The following FAM184B variants were observed in gnomAD, a reference collection of about 807,000 sequenced individuals.
FAM184B encodes the protein family with sequence similarity 184 member B.
FAM184B carries 111 observed loss-of-function variants against 135.9 expected under a neutral mutation model. The observed-to-expected ratio is 0.82, with a 90% confidence interval of 0.70 to 0.96. The LOEUF (loss-of-function observed/expected upper bound fraction) is 0.96. Ranked by LOEUF, FAM184B falls within the 40% of genes least tolerant of loss-of-function variation. The pLI is 0.00. For synonymous variants in FAM184B, 552 were observed against 524.8 expected (o/e 1.05, Z -0.71); for missense variants, 1,375 against 1,323.9 (o/e 1.04, Z -0.60).
rs180707776 is a variant in FAM184B at position 17,688,878 on chromosome 4, A to G, written c.1489-347T>C. On this transcript the variant is annotated intron_variant, in intron 6 of 17. Coordinates refer to ENST00000265018, the MANE Select transcript of FAM184B (RefSeq NM_015688.2). Reference sequence around the variant, plus strand: ...AGCTAATTTTTTGTATTTTTAGTAGAAACGGGGTTTCACCATGTTGCCCAG... The same window carrying G: ...AGCTAATTTTTTGTATTTTTAGTAGGAACGGGGTTTCACCATGTTGCCCAG... 9.9e-5 allele frequency among the ~76,000 whole-genome samples: 15 copies of G among 151,930 alleles called. No homozygotes were observed. The East Asian group carries it at 2.7e-3, about 28-fold the overall frequency.
chr4:17,774,992 CTTTTTTTTTT>C (rs71167338), intron 1 of FAM184B, among the ~76,000 whole-genome samples: 6 of 81,746 alleles, frequency 7.3e-5, no homozygotes, highest in Non-Finnish European at 1.3e-4. Flanking sequence ...TTTTCCTTTT[CTTTTTTTTTT>C]TTTTTTTTTT....
chr4:17,743,256 G>A (rs1485662305), intron 1 of FAM184B, among the ~76,000 whole-genome samples: 1 of 152,228 alleles, frequency 6.6e-6, no homozygotes, highest in Non-Finnish European at 1.5e-5. Context: ...AGAGTGGCTG[G>A]GATGGGGGTG....
chr4:17,649,269 A>G (rs1374689584), intron 11 of FAM184B, among the ~76,000 whole-genome samples: 2 of 152,344 alleles, frequency 1.3e-5, no homozygotes, highest in Non-Finnish European at 1.5e-5. Flanking sequence ...ATGTAAAAGC[A>G]TAGTGTATTT....
chr4:17,679,704 C>G (rs1421695079), intron 7 of FAM184B, among the ~76,000 whole-genome samples: 1 of 152,056 alleles, frequency 6.6e-6, no homozygotes, highest in East Asian at 1.9e-4. Flanking sequence ...AGTCATTATA[C>G]AAAAAAGATA....
Position 17,766,893 on chromosome 4 carries a change from G to T in FAM184B, c.141+14266C>A, listed in dbSNP as rs541101017. On this transcript the variant is annotated intron_variant, in intron 1 of 17. Coordinates refer to ENST00000265018, the MANE Select transcript of FAM184B (RefSeq NM_015688.2). ...CATTGGGGAGGCTCCGGCCGCACAG[G>T]AGCCTATGGTGCAGGGGAGGCTCAG... 3.3e-5 allele frequency among the ~76,000 whole-genome samples: 5 copies of T among 152,316 alleles called. No individual in the cohort carries two copies. In the South Asian group the frequency reaches 1.0e-3, roughly 32 times the overall value.
chr4:17,735,684 A>G (rs1445762807), intron 1 of FAM184B, among the ~76,000 whole-genome samples: 3 of 150,362 alleles, frequency 2.0e-5, no homozygotes, highest in Non-Finnish European at 4.4e-5. Flanking sequence ...ATTTTTCCTC[A>G]TTGCTCCCTA....
At position 17,659,851 on chromosome 4, in the gene FAM184B, C is replaced by A. The variant is rs1715871656; in HGVS notation, c.1824+107G>T. 3 of 1,411,198 alleles carry A rather than the reference C, an allele frequency of 2.1e-6. No individual in the cohort carries two copies. In the Admixed American group the frequency reaches 7.0e-5, roughly 33 times the overall value. The allele number at this position is 1,411,198 out of a possible 1,614,324, so 87.4% of individuals were successfully genotyped here. ...CCCACTTTGCCCTGGTCCTGTAATGCCTTCCCAGCTTGGATGTGAATCAGG... is the reference window on the plus strand; with the variant it reads ...CCCACTTTGCCCTGGTCCTGTAATGACTTCCCAGCTTGGATGTGAATCAGG... On this transcript the variant is annotated intron_variant, in intron 9 of 17. Coordinates refer to ENST00000265018, the MANE Select transcript of FAM184B (RefSeq NM_015688.2).
chr4:17,639,387 C>T lies in FAM184B; in HGVS notation c.2529G>A (p.Glu843=), dbSNP rs1280192266. Residue 843 remains glutamate, a synonymous_variant, in exon 14 of 18, where the codon GAG becomes GAA. Coordinates refer to ENST00000265018, the MANE Select transcript of FAM184B (RefSeq NM_015688.2). ...TGGCCCGCTGGGCTTGCTGAGTCTC[C>T]TCCAGGAACCTGTGGTGGATGAAAG... ...QKLRDQRRFL[E]ETQQAQRARE... 23 of 1,551,514 alleles carry T rather than the reference C, an allele frequency of 1.5e-5. No individual in the cohort carries two copies. Among genetic ancestry groups the T allele is most frequent in the South Asian group, 1.2e-5 (1 of 84,066 alleles).
rs1388848475 is a variant in FAM184B, at chr4:17,630,677, G to A, written c.*1855C>T. 1 of 152,186 alleles carries A rather than the reference G, an allele frequency of 6.6e-6. No homozygotes were observed. The highest frequency in any genetic ancestry group is 1.5e-5 in the Non-Finnish European group (1 of 68,038). The allele number at this position is 152,186 out of a possible 1,614,324, so 9.4% of individuals were successfully genotyped here. ...AAACAGTATGGTGTGTTAATGTATG[G>A]TGACAAGTGTTTGTTTGCATTTAAA... On this transcript the variant is annotated 3_prime_UTR_variant, in exon 18 of 18. Coordinates refer to ENST00000265018, the MANE Select transcript of FAM184B (RefSeq NM_015688.2).
rs796811510 is a variant in FAM184B at position 17,688,492 on chromosome 4, G to A, written c.1528C>T (p.Arg510Cys). Residue 510 changes from arginine to cysteine, a missense_variant, in exon 7 of 18, where the codon CGC becomes TGC. Physicochemically the swap from Arg to Cys is radical, Grantham distance 180. Coordinates refer to ENST00000265018, the MANE Select transcript of FAM184B (RefSeq NM_015688.2). Reference sequence around the variant, plus strand: ...GGACTTTCCTCAGCTCCTGTGGGGCGTGTCTTATTTTGTTGGATAAATTCT... The same window carrying A: ...GGACTTTCCTCAGCTCCTGTGGGGCATGTCTTATTTTGTTGGATAAATTCT... Reference protein sequence around the residue: ...LEEFIQQNKTRPTGAEESPQE... With the variant: ...LEEFIQQNKTCPTGAEESPQE... The A allele has an allele frequency of 1.3e-5, 20 of 1,550,804 alleles. No homozygotes were observed. The Admixed American group carries it at 1.4e-4, about 11-fold the overall frequency.
intron 7 of FAM184B, among the ~76,000 whole-genome samples, chr4:17,670,888 C>A (rs2108947673): frequency 6.6e-6 from 1 of 152,300 alleles, no homozygotes; most frequent in African/African-American, 2.4e-5. Flanking sequence ...TGATTGTCAC[C>A]TACCAGCATC....
rs1384009832 is a variant in FAM184B at position 17,781,440 on chromosome 4, GC to G, written c.-142del. On this transcript the variant is annotated 5_prime_UTR_variant, in exon 1 of 18. Coordinates refer to ENST00000265018, the MANE Select transcript of FAM184B (RefSeq NM_015688.2). This position sits in a 1 kb window ranked among gnomAD's most constrained non-coding sequence, Gnocchi z 6.5. ...GTCCCGTCGCCTGCACCGCCGCGTG[GC>G]CCCAGCTTCCCGAAGGTCTCCGCCT... 10 of 1,062,426 alleles carry G rather than the reference GC, an allele frequency of 9.4e-6. No homozygotes were observed. The highest frequency in any genetic ancestry group is 1.7e-5 in the African/African-American group (1 of 60,072). The allele number at this position is 1,062,426 out of a possible 1,614,324, so 65.8% of individuals were successfully genotyped here.
At chr4:17,668,225 A>G (rs1276660172) in intron 7 of FAM184B, among the ~76,000 whole-genome samples, 1 of 152,198 alleles carries the variant, frequency 6.6e-6, no homozygotes, top group Non-Finnish European at 1.5e-5. Context: ...GCCCTGCTGA[A>G]TTTAGGCCCA....
intron 13 of FAM184B, among the ~76,000 whole-genome samples, chr4:17,640,603 A>C (rs1715283245): frequency 6.6e-6 from 1 of 152,202 alleles, no homozygotes; most frequent in Admixed American, 6.5e-5. Context: ...TCCTCCAGAC[A>C]TTAAAATGAC....
intron 8 of FAM184B, among the ~76,000 whole-genome samples, chr4:17,664,073 C>T (rs566879896): frequency 3.9e-5 from 6 of 152,076 alleles, no homozygotes; most frequent in Admixed American, 6.6e-5. Flanking sequence ...GGTGTGGAAA[C>T]GACCTAATAT....
intron 1 of FAM184B, among the ~76,000 whole-genome samples, chr4:17,717,865 G>A (rs1306010064): frequency 4.6e-5 from 7 of 152,192 alleles, no homozygotes; most frequent in Admixed American, 2.6e-4. Context: ...ATTTACATGT[G>A]TCTTTTCAAT....
intron 1 of FAM184B, among the ~76,000 whole-genome samples, chr4:17,739,772 T>C (rs1400097195): frequency 1.3e-5 from 2 of 151,456 alleles, no homozygotes; most frequent in Admixed American, 1.3e-4. Flanking sequence ...GCCAGGCTGG[T>C]CTCGAACTCC....
chr4:17,735,263 A>G (rs897378421), intron 1 of FAM184B, among the ~76,000 whole-genome samples: 3 of 152,152 alleles, frequency 2.0e-5, no homozygotes, highest in South Asian at 4.1e-4. Context: ...GCACACCAAC[A>G]TGGCACATGT....
At position 17,709,393 on chromosome 4, in the gene FAM184B, C is replaced by G. The variant is rs1717196600; in HGVS notation, c.393G>C (p.Glu131Asp). The G allele has an allele frequency of 1.1e-5, 16 of 1,523,050 alleles. No individual in the cohort carries two copies. Among genetic ancestry groups the G allele is most frequent in the African/African-American group, 1.4e-5 (1 of 72,296 alleles). The allele number at this position is 1,523,050 out of a possible 1,614,324, so 94.3% of individuals were successfully genotyped here. ...ESASCRLETK[E>D]RELRVEAEHA... is the part of the protein sequence containing the mutation. ...GCTCTGCCTCCACCCTCAGCTCTCT[C>G]TCCTTCGTCTCCAGCCTGCACGAGG... Residue 131 changes from glutamate (E) to aspartate (D), a missense_variant, in exon 2 of 18, where the codon GAG (glutamate) becomes GAC (aspartate). Glu to Asp is a conservative substitution (Grantham distance 45). Coordinates refer to ENST00000265018, the MANE Select transcript of FAM184B (RefSeq NM_015688.2).
Sources: gnomAD v4.1 joint callset for allele counts (sites outside exome capture counted in the v4.1 genomes callset) on GRCh38, gnomAD v4.1.1 for gene constraint, Gnocchi (gnomAD v3.1) non-coding constraint, MANE v1.5 for transcripts, NCBI Gene and HGNC (gene_info 2026-07-23, HGNC 2026-07-21) for gene names.